Variants in NTM observed in about 807,000 individuals in gnomAD.
The protein encoded by NTM is neurotrimin.
Under a neutral mutation model 42.1 loss-of-function variants are expected in NTM, and 13 were observed. The ratio of observed to expected loss-of-function variants is 0.31; its 90% confidence interval spans 0.20 to 0.49. NTM has a LOEUF of 0.49. Among genes scored for constraint, NTM ranks in the 20% least tolerant of loss-of-function variants. The pLI is 0.99. For synonymous variants in NTM, 187 were observed against 179.2 expected (o/e 1.04, Z -0.35); for missense variants, 373 against 452.8 (o/e 0.82, Z 1.60).
At chr11:132,056,356 T>A (rs376444131) in intron 2 of NTM, among the ~76,000 whole-genome samples, 1 of 152,234 alleles carries the variant, frequency 6.6e-6, no homozygotes, top group African/African-American at 2.4e-5. Flanking sequence ...TCCACTTGTA[T>A]ACATTGATAA....
intron 4 of NTM, among the ~76,000 whole-genome samples, chr11:132,253,054 G>C (rs1013414058): frequency 6.6e-6 from 1 of 152,188 alleles, no homozygotes. Flanking sequence ...AGTAGGCTCT[G>C]TTTTACCTCT....
At chr11:131,801,670 A>T (rs567271121) in intron 1 of NTM, among the ~76,000 whole-genome samples, 3 of 151,946 alleles carry the variant, frequency 2.0e-5, no homozygotes, top group African/African-American at 7.3e-5. Context: ...TCCTCATGCT[A>T]CAGAAGGGAG....
At chr11:132,163,977 T>C (rs1237110971) in intron 3 of NTM, among the ~76,000 whole-genome samples, 1 of 152,142 alleles carries the variant, frequency 6.6e-6, no homozygotes, top group Non-Finnish European at 1.5e-5. Context: ...TGGGAAAACA[T>C]GAAACTGAAG....
At chr11:131,562,584 A>G (rs1213289311) in intron 1 of NTM, among the ~76,000 whole-genome samples, 2 of 152,004 alleles carry the variant, frequency 1.3e-5, no homozygotes, top group Non-Finnish European at 2.9e-5. Context: ...TGAAGCCAGG[A>G]GATGCAGCCA....
chr11:131,435,589 T>G (rs907015465), intron 1 of NTM, among the ~76,000 whole-genome samples: 3 of 152,214 alleles, frequency 2.0e-5, no homozygotes, highest in African/African-American at 7.2e-5. Flanking sequence ...TGGCTCTCTG[T>G]CTGTTATTGG....
intron 1 of NTM, among the ~76,000 whole-genome samples, chr11:131,384,165 G>T (rs143978282): frequency 2.0e-5 from 3 of 152,228 alleles, no homozygotes; most frequent in African/African-American, 7.2e-5. Flanking sequence ...CTCTGGGTAT[G>T]AAAAAAGACA....
chr11:131,920,988 C>A (rs551857745), intron 2 of NTM, among the ~76,000 whole-genome samples: 9 of 152,150 alleles, frequency 5.9e-5, no homozygotes, highest in Non-Finnish European at 1.3e-4. Flanking sequence ...ATTTACCTGT[C>A]AGGAGGGCTC....
intron 4 of NTM, among the ~76,000 whole-genome samples, chr11:132,277,438 G>A (rs1412306140): frequency 6.6e-6 from 1 of 152,132 alleles, no homozygotes; most frequent in African/African-American, 2.4e-5. Context: ...GAGATGAAAG[G>A]TGGCATTGCA....
At position 131,578,618 on chromosome 11, in the gene NTM, C is replaced by T. The variant is rs1203261033; in HGVS notation, c.82+207730C>T. On this transcript the variant is annotated intron_variant, in intron 1 of 8. Coordinates refer to ENST00000683400, the MANE Select transcript of NTM (RefSeq NM_001352005.2). ...GGCTTTTAAGGGCATAGGCTCTAGA[C>T]TCAAACTATATGAAATTCAAAATTG... 3.3e-5 allele frequency among the ~76,000 whole-genome samples: 5 copies of T among 152,100 alleles called. No homozygotes were observed. The South Asian group carries it at 6.2e-4, about 19-fold the overall frequency.
intron 1 of NTM, among the ~76,000 whole-genome samples, chr11:131,671,751 C>T (rs992165872): frequency 1.3e-5 from 2 of 152,166 alleles, no homozygotes; most frequent in African/African-American, 2.4e-5. Flanking sequence ...GAAGTGGCAT[C>T]GAAAGTGGCA....
intron 2 of NTM, among the ~76,000 whole-genome samples, chr11:132,068,161 T>G (rs1023646932): frequency 5.3e-5 from 8 of 152,250 alleles, no homozygotes; most frequent in African/African-American, 1.7e-4. Context: ...GAGGACATTT[T>G]GTTAACAGTG....
chr11:131,974,275 A>G (rs1307516139), intron 2 of NTM, among the ~76,000 whole-genome samples: 2 of 152,232 alleles, frequency 1.3e-5, no homozygotes. Context: ...TTCAAGGAAC[A>G]TCTGTGTTCA....
intron 1 of NTM, among the ~76,000 whole-genome samples, chr11:131,698,273 T>TGTAC (rs1298783702): frequency 6.6e-6 from 1 of 152,110 alleles, no homozygotes. Context: ...GAACAGAAGG[T>TGTAC]GTACCCCCCA....
chr11:132,063,472 C>G (rs917822446), intron 2 of NTM, among the ~76,000 whole-genome samples: 3 of 152,060 alleles, frequency 2.0e-5, no homozygotes, highest in African/African-American at 7.2e-5. Flanking sequence ...GGGTGGAAGG[C>G]CAGAGGGCAA....
chr11:131,745,594 T>TTTCAAA (rs2081722381), intron 1 of NTM, among the ~76,000 whole-genome samples: 1 of 152,210 alleles, frequency 6.6e-6, no homozygotes, highest in Non-Finnish European at 1.5e-5. Context: ...ATCAGAGGAC[T>TTTCAAA]GGAGTTGAAG....
intron 4 of NTM, among the ~76,000 whole-genome samples, chr11:132,266,788 A>T (rs1318584897): frequency 1.3e-5 from 2 of 152,224 alleles, no homozygotes; most frequent in Non-Finnish European, 2.9e-5. Flanking sequence ...AAAAGCTGTG[A>T]ATGTGTGTGT....
chr11:132,087,992 G>A (rs2059937475), intron 2 of NTM, among the ~76,000 whole-genome samples: 1 of 152,206 alleles, frequency 6.6e-6, no homozygotes, highest in Non-Finnish European at 1.5e-5. Flanking sequence ...CATCCTGCAT[G>A]GCCATTGGAT....
At chr11:131,882,772 G>A (rs1346347891) in intron 1 of NTM, among the ~76,000 whole-genome samples, 2 of 152,156 alleles carry the variant, frequency 1.3e-5, no homozygotes, top group African/African-American at 4.8e-5. Context: ...GGGTTCTGAG[G>A]CAGGCAACTC....
chr11:131,661,955 C>T (rs2068149246), intron 1 of NTM, among the ~76,000 whole-genome samples: 2 of 151,952 alleles, frequency 1.3e-5, no homozygotes, highest in African/African-American at 4.8e-5. Flanking sequence ...ATCTTAAGTC[C>T]AATTAAAGGA....
Sources: allele counts gnomAD v4.1 joint callset (sites outside exome capture counted in the v4.1 genomes callset), GRCh38; gene constraint gnomAD v4.1.1; transcripts MANE v1.5; gene names NCBI Gene and HGNC (gene_info 2026-07-23, HGNC 2026-07-21).